The following SPPL3 variants were observed in gnomAD, a reference collection of about 807,000 sequenced individuals.
SPPL3 encodes the protein signal peptide peptidase like 3.
SPPL3 carries 5 observed loss-of-function variants against 42.4 expected under a neutral mutation model. The observed-to-expected ratio is 0.12, with a 90% CI of 0.06 to 0.25. SPPL3 has a LOEUF of 0.25. Among genes scored for constraint, SPPL3 ranks in the 10% least tolerant of loss-of-function variants. The pLI, the probability that SPPL3 is intolerant of heterozygous loss-of-function variation, is 1.00. For synonymous variants in SPPL3, 195 were observed against 181.8 expected (o/e 1.07, Z -0.58); for missense variants, 235 against 489.0 (o/e 0.48, Z 4.90).
chr12:120,795,128 TTCATTCATCTTGCTATGTTGCCCAGGC>T (rs1870055174), intron 2 of SPPL3, among the ~76,000 whole-genome samples: 1 of 152,124 alleles, frequency 6.6e-6, no homozygotes, highest in African/African-American at 2.4e-5. Flanking sequence ...CATTCATTCT[TTCATTCATCTTGCTATGTTGCCCAGGC>T]TGGTCTCAAA....
chr12:120,848,685 T>C (rs1342749451), intron 1 of SPPL3, among the ~76,000 whole-genome samples: 1 of 152,232 alleles, frequency 6.6e-6, no homozygotes, highest in Non-Finnish European at 1.5e-5. Context: ...CTACTACTGA[T>C]TGTTCCATTT....
At chr12:120,768,113 G>T (rs1868976545) in intron 8 of SPPL3, among the ~76,000 whole-genome samples, 1 of 152,212 alleles carries the variant, frequency 6.6e-6, no homozygotes, top group Admixed American at 6.5e-5. Flanking sequence ...ATGGCTGTTT[G>T]CTGACATTAA....
chr12:120,893,766 C>A (rs1007064321), intron 1 of SPPL3, among the ~76,000 whole-genome samples: 1 of 152,142 alleles, frequency 6.6e-6, no homozygotes, highest in Non-Finnish European at 1.5e-5. Context: ...TCTGATGGAG[C>A]CTCTTCTGAT....
chr12:120,862,245 C>T (rs1037280828), intron 1 of SPPL3, among the ~76,000 whole-genome samples: 26 of 152,280 alleles, frequency 1.7e-4, no homozygotes, highest in Admixed American at 1.0e-3. Flanking sequence ...TGATCTGTTT[C>T]TACTCTTAAC....
intron 6 of SPPL3, among the ~76,000 whole-genome samples, chr12:120,775,878 G>A (rs138335805): frequency 5.1e-4 from 78 of 151,950 alleles, no homozygotes; most frequent in African/African-American, 1.8e-3. Flanking sequence ...TCAAAGAACA[G>A]ACTTCAGTTA....
At chr12:120,797,352 T>C (rs557214418) in intron 2 of SPPL3, among the ~76,000 whole-genome samples, 34 of 152,252 alleles carry the variant, frequency 2.2e-4, no homozygotes, top group Non-Finnish European at 3.2e-4. Flanking sequence ...GAAATCTTTC[T>C]CTCTGCACCA....
At chr12:120,841,972 G>A (rs756135942) in intron 1 of SPPL3, among the ~76,000 whole-genome samples, 1 of 152,138 alleles carries the variant, frequency 6.6e-6, no homozygotes, top group Non-Finnish European at 1.5e-5. Context: ...GGCATTTAAG[G>A]CAAAATTTGA....
chr12:120,894,510 T>C (rs1342357484), intron 1 of SPPL3, among the ~76,000 whole-genome samples: 1 of 152,202 alleles, frequency 6.6e-6, no homozygotes, highest in Non-Finnish European at 1.5e-5. Context: ...TCACAATGAC[T>C]GTATAACTAG....
chr12:120,797,885 C>T (rs1870158653), intron 2 of SPPL3, among the ~76,000 whole-genome samples: 1 of 152,182 alleles, frequency 6.6e-6, no homozygotes. Context: ...CCTCTACTAA[C>T]AGCCTGACTC....
chr12:120,858,312 T>C (rs796499188), intron 1 of SPPL3, among the ~76,000 whole-genome samples: 4 of 152,078 alleles, frequency 2.6e-5, no homozygotes, highest in African/African-American at 7.2e-5. Flanking sequence ...ATACAAAACT[T>C]AGCCAGGTGT....
rs184221868 is a variant in SPPL3 at position 120,832,135 on chromosome 12, A to T, written c.24-21249T>A. On this transcript the variant is annotated intron_variant, in intron 1 of 10. Coordinates refer to ENST00000353487, the MANE Select transcript of SPPL3 (RefSeq NM_139015.5). ...GGGTACTGTGCTAAATAAGTGCTTT[A>T]ACTGAATCAGCTCATTTAATACTCA... Among the ~76,000 whole-genome samples, 67 of 152,302 alleles carry T rather than the reference A, an allele frequency of 4.4e-4. 3 individuals are homozygous for T.
chr12:120,785,224 C>T (rs564600943), intron 3 of SPPL3, among the ~76,000 whole-genome samples: 12 of 149,542 alleles, frequency 8.0e-5, no homozygotes, highest in African/African-American at 2.7e-4. Context: ...GGCAACACAG[C>T]GAGACCCCCG....
At chr12:120,842,629 G>A (rs953305967) in intron 1 of SPPL3, among the ~76,000 whole-genome samples, 1 of 151,982 alleles carries the variant, frequency 6.6e-6, no homozygotes, top group Non-Finnish European at 1.5e-5. Context: ...CTGCTTCATC[G>A]ATGGCAGGTT....
chr12:120,780,281 G>T (rs1869481722), intron 6 of SPPL3, among the ~76,000 whole-genome samples: 1 of 151,080 alleles, frequency 6.6e-6, no homozygotes, highest in Admixed American at 6.6e-5. Flanking sequence ...GTAACATAGT[G>T]AGACCCATCT....
intron 3 of SPPL3, among the ~76,000 whole-genome samples, chr12:120,787,323 C>CT (rs1869754383): frequency 6.6e-6 from 1 of 152,116 alleles, no homozygotes; most frequent in Non-Finnish European, 1.5e-5. Context: ...TAGTAAAAGT[C>CT]TTTAAGATGT....
intron 1 of SPPL3, among the ~76,000 whole-genome samples, chr12:120,885,575 G>C (rs186548531): frequency 6.6e-6 from 1 of 152,260 alleles, no homozygotes; most frequent in East Asian, 1.9e-4. Context: ...TCCTGTTAAA[G>C]TATTTGTATC....
intron 1 of SPPL3, among the ~76,000 whole-genome samples, chr12:120,900,844 C>T (rs2137074310): frequency 6.6e-6 from 1 of 151,192 alleles, no homozygotes; most frequent in Non-Finnish European, 1.5e-5. Context: ...ATTGTCTGAA[C>T]CTGGGAGGCA....
At chr12:120,856,775 G>T (rs893859856) in intron 1 of SPPL3, among the ~76,000 whole-genome samples, 10 of 152,058 alleles carry the variant, frequency 6.6e-5, no homozygotes, top group Admixed American at 5.9e-4. Context: ...CTAAAGACTG[G>T]TGTGCAATTG....
intron 1 of SPPL3, among the ~76,000 whole-genome samples, chr12:120,845,934 G>A (rs1176603637): frequency 1.3e-5 from 2 of 151,188 alleles, no homozygotes; most frequent in African/African-American, 4.9e-5. Context: ...GTCTTGCTCC[G>A]ATGCCTAGGC....
Sources: gnomAD v4.1 joint callset for allele counts (sites outside exome capture counted in the v4.1 genomes callset) on GRCh38, gnomAD v4.1.1 for gene constraint, MANE v1.5 for transcripts, NCBI Gene and HGNC (gene_info 2026-07-23, HGNC 2026-07-21) for gene names.